SLC7A11: variants seen among roughly 807,000 people sequenced by gnomAD.
SLC7A11 encodes the protein cystine/glutamate transporter.
In SLC7A11, 35 loss-of-function variants were observed where a neutral mutation model predicts 54.5. The ratio of observed to expected loss-of-function variants is 0.64; its 90% CI spans 0.49 to 0.85. SLC7A11 has a LOEUF of 0.85. SLC7A11 is among the 40% of genes least tolerant of loss of function. The probability of loss-of-function intolerance (pLI) is 0.00; values close to 1 mark genes in which losing one functional copy is unlikely to be tolerated. For missense variants in SLC7A11, 583 were observed against 618.1 expected (o/e 0.94, Z 0.60); for synonymous variants, 230 against 225.2 (o/e 1.02, Z -0.19).
chr4:138,228,099 C>A (rs2148449879), intron 3 of SLC7A11, among the ~76,000 whole-genome samples: 1 of 152,232 alleles, frequency 6.6e-6, no homozygotes, highest in South Asian at 2.1e-4. Context: ...AATACGTTTG[C>A]AGAACTGGGT....
At position 138,170,230 on chromosome 4, in the gene SLC7A11, A is replaced by ATATATATATATATATATATATATATAT. The variant is rs1266957020; in HGVS notation, c.*1725_*1726insATATATATATATATATATATATATATA. 5 of 98,264 alleles carry ATATATATATATATATATATATATATAT rather than the reference A, an allele frequency of 5.1e-5. No homozygotes were observed. The highest frequency in any genetic ancestry group is 1.0e-4 in the Non-Finnish European group (5 of 49,766). The allele number at this position is 98,264 out of a possible 1,614,324, so 6.1% of individuals were successfully genotyped here. On this transcript the variant is annotated 3_prime_UTR_variant, in exon 12 of 12. Transcript: ENST00000280612. ...CTATATATATATATATATATATATA[A>ATATATATATATATATATATATATATAT]AAAGTGTGTGTGTGTGTGTGTATAT... is the stretch of plus-strand genomic sequence containing the variant.
chr4:138,186,553 A>C (rs1736885510), intron 6 of SLC7A11, among the ~76,000 whole-genome samples: 1 of 151,958 alleles, frequency 6.6e-6, no homozygotes, highest in Non-Finnish European at 1.5e-5. Context: ...AAACACATTG[A>C]CCTCTAAATC....
At position 138,179,507 on chromosome 4, in the gene SLC7A11, C is replaced by G; in HGVS notation, c.1267-113G>C. 4.6e-6 allele frequency: 4 copies of G among 863,102 alleles called. No individual in the cohort carries two copies. The South Asian group carries it at 5.8e-5, about 13-fold the overall frequency. The allele number at this position is 863,102 out of a possible 1,614,324, so 53.5% of individuals were successfully genotyped here. A position where few individuals can be genotyped will look rare whatever the true frequency, so the allele number is the denominator to read the frequency against. On this transcript the variant is annotated intron_variant, in intron 10 of 11. Transcript: ENST00000280612. Reference sequence around the variant, plus strand: ...ACTTTAGTGATATGCTGTAGTCATGCGACCAGGTAACAGGCACCAACGTGC... The same window carrying G: ...ACTTTAGTGATATGCTGTAGTCATGGGACCAGGTAACAGGCACCAACGTGC...
intron 4 of SLC7A11, among the ~76,000 whole-genome samples, chr4:138,220,661 T>G (rs915852565): frequency 6.6e-6 from 1 of 152,174 alleles, no homozygotes; most frequent in Non-Finnish European, 1.5e-5. Context: ...TATTCAAGCT[T>G]AAGCAGAAAA....
At chr4:138,213,916 C>T (rs764063568) in intron 6 of SLC7A11, among the ~76,000 whole-genome samples, 1 of 152,114 alleles carries the variant, frequency 6.6e-6, no homozygotes, top group Non-Finnish European at 1.5e-5. Flanking sequence ...CATTTTCCCT[C>T]TTTTGCCCAT....
In SLC7A11 at chr4:138,164,917, A is replaced by C. The variant is rs1736218831; in HGVS notation, c.*7039T>G. The C allele has an allele frequency of 6.6e-6, 1 of 152,200 alleles. No homozygotes were observed. The highest frequency in any genetic ancestry group is 6.6e-5 in the Admixed American group (1 of 15,262). 9.4% of individuals were successfully genotyped at this position (152,200 alleles called of 1,614,324 possible). A position where few individuals can be genotyped will look rare whatever the true frequency, so the allele number is the denominator to read the frequency against. On this transcript the variant is annotated 3_prime_UTR_variant, in exon 12 of 12. Transcript: ENST00000280612. ...GGTCTATAAATTACAGTTTAAGCAC[A>C]GATCAAAGAGATGGCTGCCAGCATA... is the stretch of plus-strand genomic sequence containing the variant.
chr4:138,221,723 C>T (rs1177739343), intron 4 of SLC7A11, among the ~76,000 whole-genome samples: 1 of 152,162 alleles, frequency 6.6e-6, no homozygotes, highest in East Asian at 1.9e-4. Flanking sequence ...CCAAACCCTT[C>T]CTCATATACA....
intron 6 of SLC7A11, among the ~76,000 whole-genome samples, chr4:138,193,900 T>G (rs533664573): frequency 3.3e-5 from 5 of 152,140 alleles, no homozygotes; most frequent in Non-Finnish European, 7.4e-5. Context: ...AAATTGAAAA[T>G]AATTTTTCAC....
chr4:138,183,021 A>G (rs2148413702), intron 8 of SLC7A11, among the ~76,000 whole-genome samples, 181 bp downstream of exon 8: 1 of 152,288 alleles, frequency 6.6e-6, no homozygotes, highest in African/African-American at 2.4e-5. Flanking sequence ...ATAGGCAAGC[A>G]GTGCCCTCTA....
chr4:138,216,813 G>A (rs1302052038), intron 5 of SLC7A11, among the ~76,000 whole-genome samples: 2 of 152,106 alleles, frequency 1.3e-5, no homozygotes, highest in African/African-American at 4.8e-5. Context: ...CCTTTTATTA[G>A]GGGGGTATCA....
Position 138,224,917 on chromosome 4 carries a change from T to C in SLC7A11, c.521-1593A>G, listed in dbSNP as rs183277857. Among the ~76,000 whole-genome samples the C allele has an allele frequency of 1.4e-3, 220 of 151,966 alleles. No homozygotes were observed. In the Middle Eastern group the frequency reaches 0.017, roughly 12 times the overall value. Reference sequence around the variant, plus strand: ...ATCAACAGCAGGTGTTTATAAGTGATAGAACACTAAATAATTTTCAATTTT... The same window carrying C: ...ATCAACAGCAGGTGTTTATAAGTGACAGAACACTAAATAATTTTCAATTTT... On this transcript the variant is annotated intron_variant, in intron 3 of 11. Coordinates refer to ENST00000280612, the MANE Select transcript of SLC7A11 (RefSeq NM_014331.4).
At chr4:138,235,407 T>TA (rs77293413) in intron 2 of SLC7A11, among the ~76,000 whole-genome samples, 22,088 of 147,874 alleles carry the variant, frequency 0.15, 1,872 homozygotes, top group East Asian at 0.21. Context: ...TTTTTTTGGT[T>TA]AAAAAAAAAA....
chr4:138,203,101 C>T (rs531917563), intron 6 of SLC7A11, among the ~76,000 whole-genome samples: 6 of 152,166 alleles, frequency 3.9e-5, no homozygotes, highest in East Asian at 3.9e-4. Flanking sequence ...CTTAAAAGTA[C>T]GTGACACCTT....
chr4:138,174,826 T>C (rs1368713131), intron 11 of SLC7A11: 2 of 152,224 alleles, frequency 1.3e-5, no homozygotes, highest in Non-Finnish European at 2.9e-5. Flanking sequence ...GTAGTATTTT[T>C]AGCTTTACCT....
chr4:138,228,758 CAAAAAAAAAAAAAA>C (rs5862371), intron 3 of SLC7A11, among the ~76,000 whole-genome samples: 2 of 67,776 alleles, frequency 3.0e-5, no homozygotes, highest in South Asian at 6.9e-4. Context: ...GACTCCGTCT[CAAAAAAAAAAAAAA>C]AAAAAAAAAA....
chr4:138,183,159 C>G, intron 8 of SLC7A11, 43 bp downstream of exon 8: 1 of 1,395,934 alleles, frequency 7.2e-7, no homozygotes, highest in Admixed American at 1.8e-5. Flanking sequence ...CATCCAATCT[C>G]AAAAACAGAA....
chr4:138,175,395 G>T (rs1736544497), intron 11 of SLC7A11, among the ~76,000 whole-genome samples: 2 of 152,132 alleles, frequency 1.3e-5, no homozygotes, highest in Admixed American at 6.6e-5. Flanking sequence ...CCGTGACAAG[G>T]TTTGGCTGCT....
intron 3 of SLC7A11, 72 bp downstream of exon 3, chr4:138,232,195 T>C: frequency 9.6e-7 from 1 of 1,046,634 alleles, no homozygotes; most frequent in South Asian, 1.3e-5. Context: ...ATGCAAAAAG[T>C]CTAAAGACAC....
chr4:138,175,586 C>G (rs886203798), intron 11 of SLC7A11: 5 of 152,176 alleles, frequency 3.3e-5, no homozygotes, highest in South Asian at 2.1e-4. Flanking sequence ...ATAAACCACT[C>G]TGTCACAGAT....
Sources: allele counts gnomAD v4.1 joint callset (sites outside exome capture counted in the v4.1 genomes callset), GRCh38; gene constraint gnomAD v4.1.1; transcripts MANE v1.5; gene names NCBI Gene and HGNC (gene_info 2026-07-23, HGNC 2026-07-21).